Variants in ERC2 observed in about 807,000 individuals in gnomAD.
ERC2 encodes the protein ELKS/RAB6-interacting/CAST family member 2.
In ERC2, 42 loss-of-function variants were observed where a neutral mutation model predicts 114.8. That is an observed-to-expected ratio of 0.37 (90% confidence interval 0.29 to 0.47). The LOEUF is 0.47. ERC2 is among the 20% of genes least tolerant of loss of function. The pLI, the probability that ERC2 is intolerant of heterozygous loss-of-function variation, is 0.99. For synonymous variants in ERC2, 454 were observed against 425.5 expected (o/e 1.07, Z -0.82); for missense variants, 939 against 1,150.7 (o/e 0.82, Z 2.66).
intron 2 of ERC2, among the ~76,000 whole-genome samples, chr3:56,379,300 AT>A (rs2059661518): frequency 6.6e-6 from 1 of 152,192 alleles, no homozygotes; most frequent in Non-Finnish European, 1.5e-5. Context: ...ACTTATGAAG[AT>A]AGCTCATCTC....
intron 3 of ERC2, among the ~76,000 whole-genome samples, chr3:56,280,080 G>A (rs895150997): frequency 6.6e-6 from 1 of 152,156 alleles, no homozygotes; most frequent in African/African-American, 2.4e-5. Flanking sequence ...GGAGGCAAGA[G>A]GGTCAAAGTC....
At chr3:55,918,199 C>G (rs1056031070) in intron 13 of ERC2, among the ~76,000 whole-genome samples, 2 of 152,004 alleles carry the variant, frequency 1.3e-5, no homozygotes, top group African/African-American at 4.8e-5. Context: ...ATGGCCATTT[C>G]TAGCTACAAT....
chr3:56,075,778 C>A (rs576233673), intron 7 of ERC2, among the ~76,000 whole-genome samples: 2 of 152,102 alleles, frequency 1.3e-5, no homozygotes, highest in South Asian at 2.1e-4. Flanking sequence ...GGAGGTTTGC[C>A]AATAATAAGT....
At chr3:56,154,472 T>G (rs2081589427) in intron 4 of ERC2, among the ~76,000 whole-genome samples, 1 of 152,172 alleles carries the variant, frequency 6.6e-6, no homozygotes, top group African/African-American at 2.4e-5. Context: ...TCATTCTTCA[T>G]GAAACCCATG....
At chr3:55,860,942 C>G (rs529929276) in intron 14 of ERC2, among the ~76,000 whole-genome samples, 4 of 152,230 alleles carry the variant, frequency 2.6e-5, no homozygotes, top group South Asian at 2.1e-4. Context: ...AGAGACTACA[C>G]GGGTTATTTC....
rs569905178 is a variant in ERC2 at position 55,580,754 on chromosome 3, C to T, written c.*40-69478G>A. ...TTCATTAAATACATATTGAATATGA[C>T]TCATGTGTGCCAATAACTTTTCTGG... On this transcript the variant is annotated intron_variant, in intron 17 of 17. Coordinates refer to ENST00000288221, the MANE Select transcript of ERC2 (RefSeq NM_015576.3). Among the ~76,000 whole-genome samples the T allele has an allele frequency of 3.9e-5, 6 of 152,300 alleles. No individual in the cohort carries two copies. In the East Asian group the frequency reaches 1.2e-3, roughly 29 times the overall value.
At chr3:56,306,556 C>T (rs1330912094) in intron 2 of ERC2, among the ~76,000 whole-genome samples, 1 of 152,162 alleles carries the variant, frequency 6.6e-6, no homozygotes, top group African/African-American at 2.4e-5. Context: ...TATCATAACA[C>T]AGAAGAAGAA....
At chr3:55,949,491 G>C (rs1178094178) in intron 13 of ERC2, among the ~76,000 whole-genome samples, 1 of 151,124 alleles carries the variant, frequency 6.6e-6, no homozygotes, top group Non-Finnish European at 1.5e-5. Context: ...AGGACACAGA[G>C]AAAGGAAAAA....
At position 55,798,574 on chromosome 3, in the gene ERC2, G is replaced by C. The variant is rs7622778; in HGVS notation, c.2565-63656C>G. On this transcript the variant is annotated intron_variant, in intron 14 of 17. Coordinates refer to ENST00000288221, the MANE Select transcript of ERC2 (RefSeq NM_015576.3). ...GACCATGCCACTGCACTATAGTATG[G>C]GTGACAGAGCAAGACTTCGTTTCAA... Among the ~76,000 whole-genome samples the C allele has an allele frequency of 9.5e-3, 1,442 of 151,566 alleles. 19 individuals are homozygous for C. Among genetic ancestry groups the C allele is most frequent in the African/African-American group, 0.034 (1,391 of 41,262 alleles).
At chr3:56,402,375 G>A (rs2060551678) in intron 2 of ERC2, among the ~76,000 whole-genome samples, 3 of 152,318 alleles carry the variant, frequency 2.0e-5, no homozygotes, top group South Asian at 4.2e-4. Flanking sequence ...CATGGTAATG[G>A]AAAACTGACA....
intron 14 of ERC2, among the ~76,000 whole-genome samples, chr3:55,792,684 G>C (rs1015878067): frequency 6.6e-6 from 1 of 152,120 alleles, no homozygotes; most frequent in Admixed American, 6.5e-5. Context: ...TCTGGATCCC[G>C]GACAACTTTT....
At chr3:56,211,160 G>A (rs1412592837) in intron 3 of ERC2, among the ~76,000 whole-genome samples, 1 of 152,094 alleles carries the variant, frequency 6.6e-6, no homozygotes, top group East Asian at 1.9e-4. Context: ...AAGTCAAACT[G>A]TCGCTGCTTG....
At chr3:55,867,940 C>A (rs1230151949) in intron 14 of ERC2, among the ~76,000 whole-genome samples, 3 of 152,070 alleles carry the variant, frequency 2.0e-5, no homozygotes, top group Admixed American at 2.0e-4. Context: ...AATCATAAAA[C>A]AATGATTCAA....
intron 14 of ERC2, among the ~76,000 whole-genome samples, chr3:55,795,747 C>A (rs1268570537): frequency 6.6e-6 from 1 of 152,182 alleles, no homozygotes; most frequent in Non-Finnish European, 1.5e-5. Context: ...ACTGCCACTT[C>A]CTAGCTGCAT....
chr3:56,283,967 C>A (rs964907434), intron 3 of ERC2, among the ~76,000 whole-genome samples: 4 of 152,210 alleles, frequency 2.6e-5, no homozygotes, highest in African/African-American at 7.2e-5. Flanking sequence ...AGAACCCCTG[C>A]CACAAATCTG....
chr3:56,090,011 T>A (rs35563958), intron 6 of ERC2, among the ~76,000 whole-genome samples: 20,344 of 152,164 alleles, frequency 0.13, 1,460 homozygotes, highest in East Asian at 0.15. Context: ...CAGGGGCTAC[T>A]GACCTCTACA....
chr3:55,565,652 T>C (rs1575599400), intron 17 of ERC2, among the ~76,000 whole-genome samples: 1 of 152,170 alleles, frequency 6.6e-6, no homozygotes, highest in East Asian at 1.9e-4. Flanking sequence ...ATGGCCTAGA[T>C]CCATGTAGGC....
intron 2 of ERC2, among the ~76,000 whole-genome samples, chr3:56,296,762 T>C (rs2055469713): frequency 6.6e-6 from 1 of 152,172 alleles, no homozygotes; most frequent in South Asian, 2.1e-4. Flanking sequence ...AAGGAAACTT[T>C]CACAAACACA....
At chr3:55,798,709 C>T (rs1426426546) in intron 14 of ERC2, among the ~76,000 whole-genome samples, 2 of 151,896 alleles carry the variant, frequency 1.3e-5, no homozygotes, top group Non-Finnish European at 2.9e-5. Context: ...AGTGGAATAA[C>T]ATGTTACTGA....
Sources: allele counts gnomAD v4.1 joint callset (sites outside exome capture counted in the v4.1 genomes callset), GRCh38; gene constraint gnomAD v4.1.1; transcripts MANE v1.5; gene names NCBI Gene and HGNC (gene_info 2026-07-23, HGNC 2026-07-21).